Variants in UNC13C observed in about 807,000 individuals in gnomAD.
UNC13C encodes the protein protein unc-13 homolog C.
UNC13C carries 174 observed loss-of-function variants against 245.4 expected under a neutral mutation model. The observed-to-expected ratio is 0.71, with a 90% CI of 0.63 to 0.80. UNC13C has a LOEUF of 0.80. Among genes scored for constraint, UNC13C ranks in the 30% least tolerant of loss-of-function variants. The probability of loss-of-function intolerance (pLI) is 0.00; values close to 1 mark genes in which losing one functional copy is unlikely to be tolerated. For missense variants in UNC13C, 2,829 were observed against 2,602.9 expected (o/e 1.09, Z -1.89); for synonymous variants, 992 against 895.1 (o/e 1.11, Z -1.93).
At chr15:54,229,103 T>G (rs1159596439) in intron 4 of UNC13C, among the ~76,000 whole-genome samples, 3 of 152,190 alleles carry the variant, frequency 2.0e-5, no homozygotes, top group Non-Finnish European at 4.4e-5. Context: ...CTGCCTGTTG[T>G]TGCTTTCTGC....
the UNC13C span, among the ~76,000 whole-genome samples, chr15:53,863,031 T>C: frequency 1.3e-5 from 2 of 152,184 alleles, no homozygotes. Flanking sequence ...GGGGAGACTG[T>C]AGGTATGATT....
intron 1 of UNC13C, among the ~76,000 whole-genome samples, chr15:53,996,729 T>C (rs1894650975): frequency 6.6e-6 from 1 of 152,124 alleles, no homozygotes. Context: ...TGTATTCTTT[T>C]GTGCCTGGTT....
intron 2 of UNC13C, among the ~76,000 whole-genome samples, chr15:54,087,522 C>G (rs1217912174): frequency 6.6e-6 from 1 of 152,194 alleles, no homozygotes; most frequent in Non-Finnish European, 1.5e-5. Context: ...TCAATTTTCT[C>G]AGTAATCAGC....
chr15:54,117,754 A>ATT (rs1462334028), intron 2 of UNC13C, among the ~76,000 whole-genome samples: 1 of 151,702 alleles, frequency 6.6e-6, no homozygotes, highest in Non-Finnish European at 1.5e-5. Context: ...TATTTTTTGC[A>ATT]TTTTTTTGTA....
the UNC13C span, among the ~76,000 whole-genome samples, chr15:53,901,951 A>G: frequency 6.6e-6 from 1 of 152,146 alleles, no homozygotes; most frequent in South Asian, 2.1e-4. Flanking sequence ...CCCTCTATCT[A>G]CAAAATTAAG....
intron 17 of UNC13C, among the ~76,000 whole-genome samples, chr15:54,355,483 A>T (rs1291573182): frequency 6.6e-6 from 1 of 151,900 alleles, no homozygotes; most frequent in African/African-American, 2.4e-5. Context: ...CAGCCTCTCT[A>T]GAAGCTGGGG....
chr15:53,984,589 A>G (rs944765000), intron 1 of UNC13C, among the ~76,000 whole-genome samples: 1 of 152,112 alleles, frequency 6.6e-6, no homozygotes, highest in Non-Finnish European at 1.5e-5. Context: ...TTACGGGAGG[A>G]TTAAGTTAAA....
chr15:53,966,919 T>A, the UNC13C span, among the ~76,000 whole-genome samples: 5 of 152,084 alleles, frequency 3.3e-5, no homozygotes, highest in Non-Finnish European at 4.4e-5. Context: ...TGAATTCTTT[T>A]TACATACCTT....
At chr15:53,840,370 T>C in the UNC13C span, among the ~76,000 whole-genome samples, 13 of 152,100 alleles carry the variant, frequency 8.5e-5, no homozygotes, top group Non-Finnish European at 1.9e-4. Context: ...AACTCAGTAA[T>C]TTACTGAGCG....
At chr15:54,007,920 T>C (rs1435681334) in intron 1 of UNC13C, among the ~76,000 whole-genome samples, 1 of 152,202 alleles carries the variant, frequency 6.6e-6, no homozygotes, top group African/African-American at 2.4e-5. Context: ...CCTGTCCCTT[T>C]GTCTTCTTTG....
rs188021693 is a variant in UNC13C at position 54,531,234 on chromosome 15, A to G, written c.5547-1683A>G. 9.5e-3 allele frequency among the ~76,000 whole-genome samples: 1,450 copies of G among 152,304 alleles called. 18 individuals are homozygous for G. The highest frequency in any genetic ancestry group is 0.037 in the South Asian group (179 of 4,820). ...GTGAATTTGAGAACCACCAGTATAT[A>G]GATGCTATGGAAGCCATGGGACTAG... On this transcript the variant is annotated intron_variant, in intron 25 of 32. Coordinates refer to ENST00000260323, the MANE Select transcript of UNC13C (RefSeq NM_001080534.3).
At chr15:54,262,949 C>G (rs2036464152) in intron 8 of UNC13C, among the ~76,000 whole-genome samples, 2 of 152,112 alleles carry the variant, frequency 1.3e-5, no homozygotes, top group South Asian at 4.1e-4. Context: ...GTCTTACTTT[C>G]TATACTTAAA....
intron 18 of UNC13C, among the ~76,000 whole-genome samples, chr15:54,407,055 G>A (rs1304063618): frequency 1.3e-5 from 2 of 152,118 alleles, no homozygotes; most frequent in Admixed American, 6.5e-5. Flanking sequence ...GATGGTCAGA[G>A]CAGGATAGTC....
intron 19 of UNC13C, among the ~76,000 whole-genome samples, chr15:54,493,615 A>G (rs1893821984): frequency 6.6e-6 from 1 of 152,070 alleles, no homozygotes; most frequent in Non-Finnish European, 1.5e-5. Context: ...CTTGGAATGT[A>G]AAGTATAGGA....
chr15:54,605,495 G>T (rs546117423), intron 30 of UNC13C, among the ~76,000 whole-genome samples: 4 of 152,186 alleles, frequency 2.6e-5, no homozygotes, highest in African/African-American at 9.6e-5. Flanking sequence ...CTTAACCTTG[G>T]CTGCATATCA....
At chr15:53,936,634 C>G in the UNC13C span, among the ~76,000 whole-genome samples, 2 of 152,162 alleles carry the variant, frequency 1.3e-5, no homozygotes, top group Admixed American at 1.3e-4. Context: ...GGCATCAGGT[C>G]TGTGCCCCTC....
At chr15:54,152,558 T>A (rs2032566693) in intron 4 of UNC13C, among the ~76,000 whole-genome samples, 2 of 152,198 alleles carry the variant, frequency 1.3e-5, no homozygotes. Flanking sequence ...CAGATATTCT[T>A]GAGTTTGAAG....
In UNC13C at chr15:54,301,336, T is replaced by C. The variant is rs188248331; in HGVS notation, c.4268+963T>C. 8.0e-3 allele frequency among the ~76,000 whole-genome samples: 1,215 copies of C among 151,212 alleles called. 16 individuals carry two copies. The highest frequency in any genetic ancestry group is 9.6e-3 in the Non-Finnish European group (653 of 67,836). ...TAAGTTCTGGGGTACATGTGCAGAATGTGCATGTTTGTTACGTAGGTATAC... is the reference window on the plus strand; with the variant it reads ...TAAGTTCTGGGGTACATGTGCAGAACGTGCATGTTTGTTACGTAGGTATAC... On this transcript the variant is annotated intron_variant, in intron 13 of 32. Transcript: ENST00000260323.
chr15:54,380,268 C>G (rs746290303), intron 17 of UNC13C, among the ~76,000 whole-genome samples: 1 of 152,002 alleles, frequency 6.6e-6, no homozygotes, highest in Non-Finnish European at 1.5e-5. Flanking sequence ...ATCCCCTTAA[C>G]ATAATGTTCT....
Sources: gnomAD v4.1 joint callset for allele counts (sites outside exome capture counted in the v4.1 genomes callset) on GRCh38, gnomAD v4.1.1 for gene constraint, MANE v1.5 for transcripts, NCBI Gene and HGNC (gene_info 2026-07-23, HGNC 2026-07-21) for gene names.